The following SP100 variants were observed in gnomAD, a reference collection of about 807,000 sequenced individuals.
SP100 encodes the protein nuclear autoantigen Sp-100.
SP100 carries 84 observed loss-of-function variants against 130.0 expected under a neutral mutation model. The observed-to-expected ratio is 0.65, with a 90% CI of 0.54 to 0.77. SP100 has a LOEUF of 0.77. Among genes scored for constraint, SP100 ranks in the 30% least tolerant of loss-of-function variants. SP100 has a pLI of 0.00. For missense variants in SP100, 978 were observed against 1,052.2 expected (o/e 0.93, Z 0.97); for synonymous variants, 331 against 351.7 (o/e 0.94, Z 0.66).
chr2:230,421,840 A>G (rs1371547904), intron 2 of SP100, among the ~76,000 whole-genome samples: 2 of 152,126 alleles, frequency 1.3e-5, no homozygotes, highest in East Asian at 3.9e-4. Flanking sequence ...TGTTAAATTC[A>G]TTTGTTGTGC....
Position 230,540,823 on chromosome 2 carries a change from T to C in SP100, c.2211-53T>C. On this transcript the variant is annotated intron_variant, in intron 25 of 28. Coordinates refer to ENST00000340126, the MANE Select transcript of SP100 (RefSeq NM_001080391.2). ...CAGAGGACTTGAACAACTGTAGGAATGGCGGCTGATTCACAGAACCTGCCA... is the reference window on the plus strand; with the variant it reads ...CAGAGGACTTGAACAACTGTAGGAACGGCGGCTGATTCACAGAACCTGCCA... 1.9e-6 allele frequency: 3 copies of C among 1,574,114 alleles called. 1 individual carries two copies. The South Asian group carries it at 3.5e-5, about 18-fold the overall frequency.
intron 2 of SP100, among the ~76,000 whole-genome samples, chr2:230,418,605 T>G (rs981772156): frequency 6.6e-6 from 1 of 152,184 alleles, no homozygotes; most frequent in African/African-American, 2.4e-5. Flanking sequence ...CTTTTTTTTT[T>G]TAACATTCCC....
chr2:230,442,823 T>C, intron 2 of SP100, 114 bp from the exon 3 acceptor site: 1 of 887,976 alleles, frequency 1.1e-6, no homozygotes, highest in Non-Finnish European at 1.8e-6. Context: ...GAGGACCACC[T>C]AATTTATATA....
At chr2:230,530,564 G>A (rs183837034) in intron 24 of SP100, among the ~76,000 whole-genome samples, 92 of 152,234 alleles carry the variant, frequency 6.0e-4, no homozygotes, top group African/African-American at 2.1e-3. Context: ...TGCAACAAAA[G>A]CCAAAATAGA....
chr2:230,465,390 C>A (rs1214641217), intron 11 of SP100, among the ~76,000 whole-genome samples: 1 of 152,034 alleles, frequency 6.6e-6, no homozygotes, highest in Non-Finnish European at 1.5e-5. Context: ...CAGAGTGAGA[C>A]CCTGTCTCAA....
intron 19 of SP100, among the ~76,000 whole-genome samples, chr2:230,498,891 C>T (rs1432679022): frequency 3.3e-5 from 5 of 152,300 alleles, no homozygotes; most frequent in African/African-American, 9.6e-5. Context: ...CCCATCACCA[C>T]GTGGTAATTG....
intron 8 of SP100, among the ~76,000 whole-genome samples, chr2:230,459,055 T>C (rs994726039): frequency 6.6e-5 from 10 of 152,034 alleles, no homozygotes; most frequent in African/African-American, 9.7e-5. Flanking sequence ...AGGCACCCCA[T>C]AGCACCACCT....
Position 230,506,434 on chromosome 2 carries a change from G to T in SP100, c.2002G>T (p.Val668Phe). 6.2e-7 allele frequency: 1 copy of T among 1,613,852 alleles called. No homozygotes were observed. Among genetic ancestry groups the T allele is most frequent in the East Asian group, 2.2e-5 (1 of 44,872 alleles). The change falls in exon 22 of 29, where the codon GTC becomes TTC. Residue 668 changes from valine to phenylalanine, a missense_variant. By Grantham distance (50) the Val-to-Phe change is conservative. Transcript: ENST00000340126. The stretch of plus-strand genomic sequence containing the variant: ...ACGCTGCGGTGGATATACCCTGAAA[G>T]TCCTGATGGAGGTATTCTAGTGACA... The part of the protein sequence containing the change: ...SIRCGGYTLK[V>F]LMENKFLPEP...
intron 17 of SP100, among the ~76,000 whole-genome samples, chr2:230,486,547 T>G (rs2150029103): frequency 6.6e-6 from 1 of 152,342 alleles, no homozygotes; most frequent in South Asian, 2.1e-4. Context: ...GGTGTAGATG[T>G]ACCACATTTT....
At chr2:230,481,665 CGAACCTAGAAAAGTTTCCAGTT>C (rs1212571349) in intron 17 of SP100, among the ~76,000 whole-genome samples, 1 of 152,104 alleles carries the variant, frequency 6.6e-6, no homozygotes, top group Non-Finnish European at 1.5e-5. Context: ...GGTTTTCAGT[CGAACCTAGAAAAGTTTCCAGTT>C]GAACCTAGAA....
At chr2:230,511,501 C>T (rs1690584119) in intron 24 of SP100, among the ~76,000 whole-genome samples, 1 of 152,060 alleles carries the variant, frequency 6.6e-6, no homozygotes, top group Admixed American at 6.6e-5. Context: ...GATCAAATGT[C>T]AGAAAATAAA....
intron 2 of SP100, among the ~76,000 whole-genome samples, chr2:230,422,640 C>T (rs904693368): frequency 6.6e-6 from 1 of 152,132 alleles, no homozygotes; most frequent in African/African-American, 2.4e-5. Flanking sequence ...TTATTTGATG[C>T]CCTTTTCTAT....
In SP100 at chr2:230,541,891, G is replaced by T; in HGVS notation, c.2404-1G>T. 6.2e-7 allele frequency: 1 copy of T among 1,613,788 alleles called. No homozygotes were observed. The highest frequency in any genetic ancestry group is 8.5e-7 in the Non-Finnish European group (1 of 1,179,856). ...CCTCATTTTGGTCTTTTACTCAACA[G>T]AACAGAGAGGGGTCTCAGGGCCCAC... On this transcript the variant is annotated splice_acceptor_variant, in intron 27 of 28. Transcript: ENST00000340126. LOFTEE classifies it high-confidence loss of function.
intron 2 of SP100, among the ~76,000 whole-genome samples, chr2:230,432,204 G>C (rs1353232385): frequency 6.6e-6 from 1 of 152,066 alleles, no homozygotes; most frequent in Non-Finnish European, 1.5e-5. Flanking sequence ...CCATGTTTTA[G>C]CATGTGTTTA....
chr2:230,419,719 AT>A (rs1176027726), intron 2 of SP100, among the ~76,000 whole-genome samples: 1 of 152,164 alleles, frequency 6.6e-6, no homozygotes, highest in Non-Finnish European at 1.5e-5. Flanking sequence ...TTCATCTTTT[AT>A]TGTGCCTAAT....
chr2:230,487,702 TTCTG>T (rs1368208529), intron 17 of SP100, among the ~76,000 whole-genome samples: 4 of 146,134 alleles, frequency 2.7e-5, no homozygotes, highest in Admixed American at 6.6e-5. Context: ...TTTTTTCTAA[TTCTG>T]TCTAATTCTG....
rs2066816047 is a variant in SP100 at position 230,498,386 on chromosome 2, A to T, written c.1646-75A>T. Reference sequence around the variant, plus strand: ...GCTCTGGAAAAGTTATAGCTAAATAAAATTTTTGAAAGCACTATTATATAT... The same window carrying T: ...GCTCTGGAAAAGTTATAGCTAAATATAATTTTTGAAAGCACTATTATATAT... On this transcript the variant is annotated intron_variant, in intron 18 of 28. Coordinates refer to ENST00000340126, the MANE Select transcript of SP100 (RefSeq NM_001080391.2). 1.1e-5 allele frequency: 9 copies of T among 825,396 alleles called. No homozygotes were observed. The South Asian group carries it at 2.0e-4, about 19-fold the overall frequency. The allele number at this position is 825,396 out of a possible 1,614,324, so 51.1% of individuals were successfully genotyped here.
Position 230,539,321 on chromosome 2 carries a change from T to C in SP100, c.2149T>C (p.Cys717Arg). 6.2e-7 allele frequency: 1 copy of C among 1,614,062 alleles called. No homozygotes were observed. Among genetic ancestry groups the C allele is most frequent in the Non-Finnish European group, 8.5e-7 (1 of 1,179,922 alleles). Residue 717 changes from cysteine to arginine, a missense_variant, in exon 25 of 29, where the codon TGC becomes CGC. Coordinates refer to ENST00000340126, the MANE Select transcript of SP100 (RefSeq NM_001080391.2). ...VCNKWGRLFCCDTCPRSFHEH... is the reference protein window; with the variant it reads ...VCNKWGRLFCRDTCPRSFHEH... ...CAACAAATGGGGACGGCTGTTCTGCTGCGACACTTGTCCAAGATCCTTTCA... is the reference window on the plus strand; with the variant it reads ...CAACAAATGGGGACGGCTGTTCTGCCGCGACACTTGTCCAAGATCCTTTCA...
intron 24 of SP100, among the ~76,000 whole-genome samples, chr2:230,517,566 A>C (rs1456429829): frequency 6.6e-6 from 1 of 152,178 alleles, no homozygotes; most frequent in Admixed American, 6.5e-5. Flanking sequence ...ATTTGAGACC[A>C]GCCTGGTCAA....
Sources: gnomAD v4.1 joint callset for allele counts (sites outside exome capture counted in the v4.1 genomes callset) on GRCh38, gnomAD v4.1.1 for gene constraint, MANE v1.5 for transcripts, NCBI Gene and HGNC (gene_info 2026-07-23, HGNC 2026-07-21) for gene names.